The following SEMA6D variants were observed in gnomAD, a reference collection of about 807,000 sequenced individuals.
SEMA6D encodes the protein semaphorin-6D.
SEMA6D carries 35 observed loss-of-function variants against 106.6 expected under a neutral mutation model. The observed-to-expected ratio is 0.33, with a 90% CI of 0.25 to 0.44. SEMA6D has a LOEUF of 0.44. SEMA6D is among the 20% of genes least tolerant of loss of function. The probability of loss-of-function intolerance (pLI) is 1.00; values close to 1 mark genes in which losing one functional copy is unlikely to be tolerated. For synonymous variants in SEMA6D, 499 were observed against 487.7 expected (o/e 1.02, Z -0.31); for missense variants, 1,185 against 1,345.9 (o/e 0.88, Z 1.87).
At chr15:47,531,007 CTA>C (rs1013119133) in intron 3 of SEMA6D, among the ~76,000 whole-genome samples, 6 of 152,182 alleles carry the variant, frequency 3.9e-5, no homozygotes, top group African/African-American at 1.4e-4. Flanking sequence ...AATTACTTCA[CTA>C]TATATGTATT....
chr15:47,435,634 G>A (rs1319934734), intron 2 of SEMA6D, among the ~76,000 whole-genome samples: 3 of 152,150 alleles, frequency 2.0e-5, no homozygotes, highest in African/African-American at 7.2e-5. Context: ...GATGCAAGAT[G>A]CATACTGTAT....
intron 1 of SEMA6D, chr15:47,380,491 A>T (rs1406372753): frequency 6.6e-6 from 1 of 152,236 alleles, no homozygotes; most frequent in East Asian, 1.9e-4. Flanking sequence ...CTTTAGGGAC[A>T]TGCCTTCAGA....
chr15:47,367,726 A>AG (rs2039112855), intron 1 of SEMA6D, among the ~76,000 whole-genome samples: 1 of 147,392 alleles, frequency 6.8e-6, no homozygotes, highest in South Asian at 2.2e-4. Flanking sequence ...ACACACACAC[A>AG]CAGAGAGAGA....
chr15:47,508,180 G>A (rs969065604), intron 3 of SEMA6D, among the ~76,000 whole-genome samples: 47 of 152,128 alleles, frequency 3.1e-4, no homozygotes, highest in African/African-American at 1.0e-3. Flanking sequence ...CTCAGGCTAC[G>A]GCAAGCTTTT....
chr15:47,320,803 C>G (rs778892958), intron 1 of SEMA6D, among the ~76,000 whole-genome samples: 1 of 152,110 alleles, frequency 6.6e-6, no homozygotes, highest in Non-Finnish European at 1.5e-5. Context: ...TTTGTTTTAG[C>G]ACTTTACCAC....
chr15:47,714,277 C>A (rs536009606), upstream of SEMA6D, among the ~76,000 whole-genome samples: 4 of 152,288 alleles, frequency 2.6e-5, no homozygotes, highest in African/African-American at 9.6e-5. Flanking sequence ...TTGCTTACTA[C>A]TCTGTGACAT....
chr15:47,287,023 C>T (rs1350681554), intron 1 of SEMA6D, among the ~76,000 whole-genome samples: 1 of 152,146 alleles, frequency 6.6e-6, no homozygotes, highest in South Asian at 2.1e-4. Context: ...GAATGTAGCT[C>T]TCAGACTCTG....
intron 2 of SEMA6D, among the ~76,000 whole-genome samples, chr15:47,470,177 C>T (rs532889598): frequency 3.9e-5 from 6 of 152,170 alleles, no homozygotes; most frequent in East Asian, 1.9e-4. Context: ...AACTTTGCTA[C>T]GGTGTGCCTT....
Position 47,761,673 on chromosome 15 carries a change from G to C in SEMA6D, c.460G>C (p.Glu154Gln), listed in dbSNP as rs758377829. The change falls in exon 7 of 19, where the codon GAA (glutamate) becomes CAA (glutamine). Residue 154 changes from glutamate (E) to glutamine (Q), a missense_variant. By Grantham distance (29) the Glu-to-Gln change is conservative. Around this residue, in one of 3 missense-constraint regions of SEMA6D, gnomAD observed 291 missense variants for 423.8 expected, o/e 0.69. Coordinates refer to ENST00000536845, the MANE Select transcript of SEMA6D (RefSeq NM_001358351.3). Reference sequence around the variant, plus strand: ...TTTTCTTTTGTAGTTGAGTACCTTAGAATATGATGGGGAAGAAATTAGTGG... The same window carrying C: ...TTTTCTTTTGTAGTTGAGTACCTTACAATATGATGGGGAAGAAATTAGTGG... ...MCRYYRLSTL[E>Q]YDGEEISGLA... 6.8e-6 allele frequency: 11 copies of C among 1,613,062 alleles called. No individual in the cohort carries two copies. In the South Asian group the frequency reaches 1.1e-4, roughly 16 times the overall value.
intron 1 of SEMA6D, among the ~76,000 whole-genome samples, chr15:47,203,336 T>A (rs900787453): frequency 4.6e-5 from 7 of 152,078 alleles, no homozygotes; most frequent in Non-Finnish European, 1.0e-4. Context: ...TGTCTTAAGA[T>A]CCTCTCCCTA....
intron 1 of SEMA6D, among the ~76,000 whole-genome samples, chr15:47,350,226 A>G (rs943572945): frequency 1.3e-4 from 17 of 130,870 alleles, no homozygotes; most frequent in African/African-American, 2.8e-4. Flanking sequence ...ATTGTTGTCA[A>G]ACCTGCTCTG....
intron 3 of SEMA6D, among the ~76,000 whole-genome samples, chr15:47,569,792 GGCTTA>G (rs1320068372): frequency 6.6e-6 from 1 of 152,148 alleles, no homozygotes; most frequent in African/African-American, 2.4e-5. Flanking sequence ...CAGGCGCAGT[GGCTTA>G]CACCTGTAAT....
chr15:47,412,152 G>A (rs2040820484), intron 1 of SEMA6D, among the ~76,000 whole-genome samples: 1 of 151,970 alleles, frequency 6.6e-6, no homozygotes. Flanking sequence ...TTCATGAATA[G>A]CCTGTTTGCA....
intron 3 of SEMA6D, among the ~76,000 whole-genome samples, chr15:47,526,811 A>T (rs1673707934): frequency 6.6e-6 from 1 of 152,030 alleles, no homozygotes. Flanking sequence ...ATCTCCGCTA[A>T]CTGCAACCTC....
At chr15:47,677,969 G>GA (rs537980739) in intron 4 of SEMA6D, among the ~76,000 whole-genome samples, 1 of 152,064 alleles carries the variant, frequency 6.6e-6, no homozygotes, top group South Asian at 2.1e-4. Context: ...AACCTCAATA[G>GA]AAAAAAAGGG....
chr15:47,543,622 T>G (rs2045425649), intron 3 of SEMA6D, among the ~76,000 whole-genome samples: 1 of 152,166 alleles, frequency 6.6e-6, no homozygotes, highest in South Asian at 2.1e-4. Context: ...AGTCTACACC[T>G]ACTATGTCAC....
chr15:47,481,565 A>G (rs2043153247), intron 3 of SEMA6D, among the ~76,000 whole-genome samples: 1 of 152,174 alleles, frequency 6.6e-6, no homozygotes, highest in Non-Finnish European at 1.5e-5. Flanking sequence ...TTTAGGTCAC[A>G]ACCATTGCAA....
intron 4 of SEMA6D, among the ~76,000 whole-genome samples, chr15:47,604,544 A>G (rs1235643471): frequency 6.6e-6 from 1 of 152,210 alleles, no homozygotes; most frequent in African/African-American, 2.4e-5. Flanking sequence ...TGTCAAATTG[A>G]ATTAACTATT....
chr15:47,688,808 TA>T (rs1203467173), intron 4 of SEMA6D, among the ~76,000 whole-genome samples: 1 of 152,186 alleles, frequency 6.6e-6, no homozygotes, highest in African/African-American at 2.4e-5. Context: ...GTAAGGTCCC[TA>T]ATGAGAGTTT....
Sources: allele counts gnomAD v4.1 joint callset (sites outside exome capture counted in the v4.1 genomes callset), GRCh38; gene constraint gnomAD v4.1.1; regional missense constraint gnomAD v4.1.1; transcripts MANE v1.5; gene names NCBI Gene and HGNC (gene_info 2026-07-23, HGNC 2026-07-21).